LGSN: variants seen among roughly 807,000 people sequenced by gnomAD.
The protein encoded by LGSN is lengsin, lens protein with glutamine synthetase domain, also known as lengsin.
LGSN carries 21 observed loss-of-function variants against 19.5 expected under a neutral mutation model. The observed-to-expected ratio is 1.07, with a 90% CI of 0.76 to 1.55. The LOEUF (loss-of-function observed/expected upper bound fraction) is 1.55. Among genes scored for constraint, LGSN ranks in the 40% most tolerant of loss-of-function variants. The pLI is 0.00. For synonymous variants in LGSN, 257 were observed against 215.6 expected, an observed-to-expected ratio of 1.19 and a Z score of -1.68; for missense variants, 673 against 608.5, an observed-to-expected ratio of 1.11 and a Z score of -1.12.
At chr6:63,565,819 T>C in the LGSN span, among the ~76,000 whole-genome samples, 55 of 152,382 alleles carry the variant, frequency 3.6e-4, no homozygotes, top group African/African-American at 1.1e-3. Context: ...CAAAAGACTT[T>C]TGATAAATCT....
chr6:63,428,992 C>A, the LGSN span, among the ~76,000 whole-genome samples: 1 of 152,104 alleles, frequency 6.6e-6, no homozygotes, highest in Non-Finnish European at 1.5e-5. Flanking sequence ...CCAGCCTGGG[C>A]AGCATAGCAA....
chr6:63,425,669 G>C, the LGSN span, among the ~76,000 whole-genome samples: 2 of 152,056 alleles, frequency 1.3e-5, no homozygotes, highest in African/African-American at 2.4e-5. Context: ...AAGAGATCCT[G>C]GTGGTGACAG....
At chr6:63,437,636 A>C in the LGSN span, among the ~76,000 whole-genome samples, 1 of 152,174 alleles carries the variant, frequency 6.6e-6, no homozygotes, top group East Asian at 1.9e-4. Context: ...TTTTCCTCTC[A>C]TAAGAATTAG....
chr6:63,379,426 C>T, the LGSN span, among the ~76,000 whole-genome samples: 1 of 152,214 alleles, frequency 6.6e-6, no homozygotes, highest in African/African-American at 2.4e-5. Flanking sequence ...CTCAGCGTAG[C>T]ATCCACAGCT....
chr6:63,388,768 T>C, the LGSN span, among the ~76,000 whole-genome samples: 2 of 152,220 alleles, frequency 1.3e-5, no homozygotes, highest in Non-Finnish European at 2.9e-5. Context: ...GGCCAAGGGA[T>C]AACTGGCTTC....
the LGSN span, among the ~76,000 whole-genome samples, chr6:63,383,064 T>C: frequency 3.9e-4 from 60 of 152,322 alleles, no homozygotes; most frequent in African/African-American, 1.4e-3. Flanking sequence ...TTTCCTGCTT[T>C]TGTTCATGTT....
At chr6:63,377,716 C>A in the LGSN span, among the ~76,000 whole-genome samples, 1 of 151,604 alleles carries the variant, frequency 6.6e-6, no homozygotes, top group African/African-American at 2.4e-5. Flanking sequence ...AGTTTGAGAC[C>A]AGCCTGGCCA....
At chr6:63,351,109 T>G in the LGSN span, among the ~76,000 whole-genome samples, 1 of 152,062 alleles carries the variant, frequency 6.6e-6, no homozygotes, top group Non-Finnish European at 1.5e-5. Context: ...GATTAGTGTC[T>G]TTATAAAAGA....
the LGSN span, among the ~76,000 whole-genome samples, chr6:63,326,787 C>T: frequency 2.0e-5 from 3 of 152,206 alleles, no homozygotes; most frequent in East Asian, 1.9e-4. Flanking sequence ...AGAACTCCAG[C>T]TGGCCCGCAA....
intron 3 of LGSN, among the ~76,000 whole-genome samples, chr6:63,284,318 G>C (rs1157844047): frequency 6.6e-6 from 1 of 151,866 alleles, no homozygotes; most frequent in Non-Finnish European, 1.5e-5. Flanking sequence ...CTAAACTCAA[G>C]GAATAAAAGT....
intron 2 of LGSN, among the ~76,000 whole-genome samples, chr6:63,287,882 T>C (rs1253496668): frequency 6.6e-6 from 1 of 152,082 alleles, no homozygotes; most frequent in Non-Finnish European, 1.5e-5. Flanking sequence ...TATCTGTGTC[T>C]CCTAAACTTT....
chr6:63,363,544 G>A, the LGSN span, among the ~76,000 whole-genome samples: 1 of 152,202 alleles, frequency 6.6e-6, no homozygotes, highest in East Asian at 1.9e-4. Flanking sequence ...TGAGAACTAT[G>A]TGATACATGC....
the LGSN span, among the ~76,000 whole-genome samples, chr6:63,504,393 C>G: frequency 6.6e-6 from 1 of 152,138 alleles, no homozygotes; most frequent in Admixed American, 6.6e-5. Flanking sequence ...AGGTGCCCAC[C>G]ACCACGCCCA....
At chr6:63,344,792 AG>A in the LGSN span, among the ~76,000 whole-genome samples, 4 of 152,306 alleles carry the variant, frequency 2.6e-5, no homozygotes, top group South Asian at 8.3e-4. Flanking sequence ...GAAAACAAAA[AG>A]TTGTAGTACA....
At chr6:63,531,890 C>T in the LGSN span, among the ~76,000 whole-genome samples, 2 of 151,802 alleles carry the variant, frequency 1.3e-5, no homozygotes, top group Non-Finnish European at 2.9e-5. Context: ...GCAACCTTGC[C>T]TCCCGGGTTC....
At chr6:63,454,120 A>G in the LGSN span, among the ~76,000 whole-genome samples, 1 of 152,076 alleles carries the variant, frequency 6.6e-6, no homozygotes, top group African/African-American at 2.4e-5. Context: ...TACTTCTCAA[A>G]TATGTTCAGA....
At chr6:63,518,960 C>T in the LGSN span, among the ~76,000 whole-genome samples, 4 of 152,152 alleles carry the variant, frequency 2.6e-5, no homozygotes, top group Non-Finnish European at 5.9e-5. Context: ...GGGTAGCACC[C>T]TCTTAACCAT....
the LGSN span, among the ~76,000 whole-genome samples, chr6:63,559,850 C>A: frequency 6.6e-6 from 1 of 152,152 alleles, no homozygotes; most frequent in African/African-American, 2.4e-5. Context: ...TGGTTTCGAA[C>A]TCCTGGGCTC....
At chr6:63,427,096 A>G in the LGSN span, among the ~76,000 whole-genome samples, 2 of 147,288 alleles carry the variant, frequency 1.4e-5, no homozygotes, top group African/African-American at 2.5e-5. Context: ...GTTACCCAGG[A>G]GTACAATGGC....
Sources: gnomAD v4.1 joint callset for allele counts (sites outside exome capture counted in the v4.1 genomes callset) on GRCh38, gnomAD v4.1.1 for gene constraint, MANE v1.5 for transcripts, NCBI Gene and HGNC (gene_info 2026-07-23, HGNC 2026-07-21) for gene names.